PRKDC: variants seen among roughly 807,000 people sequenced by gnomAD.
PRKDC encodes DNA-dependent protein kinase catalytic subunit.
A neutral mutation model predicts 486.9 loss-of-function variants in PRKDC; 82 were observed. That is an observed-to-expected ratio of 0.17 (90% CI 0.14 to 0.20). The LOEUF is 0.20. Among genes scored for constraint, PRKDC ranks in the 10% least tolerant of loss-of-function variants. The probability of loss-of-function intolerance (pLI) is 1.00; values close to 1 mark genes in which losing one functional copy is unlikely to be tolerated. For missense variants in PRKDC, 4,504 were observed against 5,038.2 expected (o/e 0.89, Z 3.21); for synonymous variants, 1,895 against 1,837.0 (o/e 1.03, Z -0.81).
chr8:47,863,288 A>G, intron 42 of PRKDC, 111 bp downstream of exon 42: 2 of 925,752 alleles, frequency 2.2e-6, no homozygotes, highest in Non-Finnish European at 1.5e-6. Context: ...GAAAACTATA[A>G]AAGCTCAGTA....
intron 80 of PRKDC, 120 bp from the exon 81 acceptor site, chr8:47,779,213 C>A: frequency 1.5e-6 from 1 of 687,790 alleles, no homozygotes; most frequent in South Asian, 2.0e-5. Flanking sequence ...AATAATAAGA[C>A]TTTTAACCAT....
chr8:47,927,811 A>G lies in PRKDC; in HGVS notation c.2219T>C (p.Ile740Thr). Reference sequence around the variant, plus strand: ...GTAGGCTCTAACATCGAGTTCAATGATGTTGTGTGGCAAGGACAGAAGAAA... The same window carrying G: ...GTAGGCTCTAACATCGAGTTCAATGGTGTTGTGTGGCAAGGACAGAAGAAA... ...LTFLLSLPHN[I>T]IELDVRAYVP... Residue 740 changes from isoleucine (I) to threonine (T), a missense_variant, in exon 20 of 86, where the codon ATC becomes ACC. Ile to Thr is a moderately conservative substitution (Grantham distance 89). Coordinates refer to ENST00000314191, the MANE Select transcript of PRKDC (RefSeq NM_006904.7). 1 of 1,591,258 alleles carries G rather than the reference A, an allele frequency of 6.3e-7. No homozygotes were observed. The highest frequency in any genetic ancestry group is 8.5e-7 in the Non-Finnish European group (1 of 1,170,612).
Position 47,782,593 on chromosome 8 carries a change from T to C in PRKDC, c.11181A>G (p.Thr3727=). The change falls in exon 79 of 86, where the codon ACA becomes ACG. Residue 3727 remains threonine, a synonymous_variant. Coordinates refer to ENST00000314191, the MANE Select transcript of PRKDC (RefSeq NM_006904.7). The surrounding 1 kb of genome is among the most constrained non-coding windows in gnomAD (Gnocchi z 4.9). The part of the protein sequence containing the change: ...VRIAGFDERV[T]VMASLRRPKR... The stretch of plus-strand genomic sequence containing the variant: ...TGGGCCTTCGCAGAGACGCCATGAC[T>C]GTCACCTTCAAAAATCAGAATGTCA... 1 of 1,556,590 alleles carries C rather than the reference T, an allele frequency of 6.4e-7. No individual in the cohort carries two copies. Among genetic ancestry groups the C allele is most frequent in the Non-Finnish European group, 8.7e-7 (1 of 1,150,108 alleles).
rs762998738 is a variant in PRKDC at position 47,890,269 on chromosome 8, C to T, written c.4059G>A (p.Pro1353=). Residue 1353 remains proline (P), a synonymous_variant, in exon 32 of 86, where the codon CCG becomes CCA. Coordinates refer to ENST00000314191, the MANE Select transcript of PRKDC (RefSeq NM_006904.7). Reference sequence around the variant, plus strand: ...CAGAGCAGCCTACCTTCCATCCTTCCGGGGAGGTGTTTAGCAGAGTCGTGG... The same window carrying T: ...CAGAGCAGCCTACCTTCCATCCTTCTGGGGAGGTGTTTAGCAGAGTCGTGG... ...EFTTTLLNTS[P]EGWKLLKKDL... is the part of the protein sequence containing the mutation. The T allele has an allele frequency of 2.1e-5, 34 of 1,610,166 alleles. 1 individual carries two copies. Among genetic ancestry groups the T allele is most frequent in the South Asian group, 1.9e-4 (17 of 90,540 alleles).
At chr8:47,855,749 C>G (rs1005624616) in intron 49 of PRKDC, among the ~76,000 whole-genome samples, 7 of 152,218 alleles carry the variant, frequency 4.6e-5, no homozygotes, top group Non-Finnish European at 7.3e-5. Flanking sequence ...GTATCCAGTG[C>G]TTTCTGACTC....
intron 18 of PRKDC, 89 bp from the exon 19 acceptor site, chr8:47,929,267 G>A: frequency 3.4e-6 from 3 of 892,116 alleles, no homozygotes; most frequent in Non-Finnish European, 5.3e-6. Context: ...CTTCAGAGGG[G>A]TGAATCCATT....
chr8:47,798,784 T>C (rs1000762619), intron 72 of PRKDC, among the ~76,000 whole-genome samples: 1 of 151,502 alleles, frequency 6.6e-6, no homozygotes, highest in Non-Finnish European at 1.5e-5. Context: ...TAAATGTAGG[T>C]CATGTTGCTT....
intron 65 of PRKDC, 113 bp downstream of exon 65, chr8:47,821,491 T>G: frequency 1.0e-6 from 1 of 994,890 alleles, no homozygotes; most frequent in Admixed American, 2.2e-5. Context: ...GTCATGCAAT[T>G]CCCTAGTGCT....
intron 30 of PRKDC, among the ~76,000 whole-genome samples, chr8:47,894,827 T>C (rs1589772819): frequency 6.6e-6 from 1 of 152,132 alleles, no homozygotes; most frequent in South Asian, 2.1e-4. Flanking sequence ...TCCAGCACTT[T>C]GGGAAGCCAA....
At chr8:47,929,293 C>G in intron 18 of PRKDC, 115 bp from the exon 19 acceptor site, 1 of 722,486 alleles carries the variant, frequency 1.4e-6, no homozygotes, top group South Asian at 1.7e-5. Context: ...TTACCAACAT[C>G]TAATGAAGAC....
intron 40 of PRKDC, among the ~76,000 whole-genome samples, chr8:47,875,261 AT>A (rs2089067334): frequency 6.6e-6 from 1 of 152,194 alleles, no homozygotes; most frequent in Non-Finnish European, 1.5e-5. Flanking sequence ...ATATTCGCTT[AT>A]AATCTTCTTA....
At chr8:47,803,905 C>T (rs2087161104) in intron 69 of PRKDC, among the ~76,000 whole-genome samples, 1 of 148,426 alleles carries the variant, frequency 6.7e-6, no homozygotes, top group Non-Finnish European at 1.5e-5. Context: ...CTGCTGTGTA[C>T]TCCAGCCTGG....
At chr8:47,886,539 G>T (rs950447221) in intron 35 of PRKDC, among the ~76,000 whole-genome samples, 1 of 151,964 alleles carries the variant, frequency 6.6e-6, no homozygotes, top group Non-Finnish European at 1.5e-5. Context: ...TTACAAGTGC[G>T]TTCTACCACA....
At chr8:47,830,765 T>C in intron 60 of PRKDC, 29 bp from the exon 61 acceptor site, 1 of 1,613,620 alleles carries the variant, frequency 6.2e-7, no homozygotes, top group Non-Finnish European at 8.5e-7. Flanking sequence ...AAGAAGAAGA[T>C]GAGCATTCTC....
chr8:47,861,732 T>C (rs1233963493), intron 44 of PRKDC, among the ~76,000 whole-genome samples: 13 of 152,260 alleles, frequency 8.5e-5, no homozygotes, highest in Admixed American at 7.8e-4. Flanking sequence ...TCCTGCCACG[T>C]TGCCCAAGCA....
intron 65 of PRKDC, 87 bp downstream of exon 65, chr8:47,821,517 G>T: frequency 7.4e-7 from 1 of 1,352,248 alleles, no homozygotes; most frequent in Non-Finnish European, 1.0e-6. Flanking sequence ...AGTACTACCT[G>T]TTTTTGAAAT....
At position 47,902,297 on chromosome 8, in the gene PRKDC, T is replaced by G. The variant is rs531940530; in HGVS notation, c.3269+272A>C. Among the ~76,000 whole-genome samples, 21 of 152,320 alleles carry G rather than the reference T, an allele frequency of 1.4e-4. No individual in the cohort carries two copies. In the South Asian group the frequency reaches 4.3e-3, roughly 32 times the overall value. Reference sequence around the variant, plus strand: ...TTGCTCACCCTGGATCAGCTACTCCTCCTCTGTGCACCCAAAGCCCCTGTA... The same window carrying G: ...TTGCTCACCCTGGATCAGCTACTCCGCCTCTGTGCACCCAAAGCCCCTGTA... On this transcript the variant is annotated intron_variant, in intron 27 of 85. Transcript: ENST00000314191.
At chr8:47,958,091 A>C (rs534272602) in intron 1 of PRKDC, among the ~76,000 whole-genome samples, 2 of 152,352 alleles carry the variant, frequency 1.3e-5, no homozygotes, top group South Asian at 4.1e-4. Context: ...CAGAGAGCCC[A>C]ATGTAATCAC....
chr8:47,860,983 A>G lies in PRKDC; in HGVS notation c.5986-12T>C, dbSNP rs1563772232. 1 of 1,535,984 alleles carries G rather than the reference A, an allele frequency of 6.5e-7. No individual in the cohort carries two copies. The highest frequency in any genetic ancestry group is 8.9e-7 in the Non-Finnish European group (1 of 1,126,372). On this transcript the variant is annotated splice_polypyrimidine_tract_variant and intron_variant, in intron 44 of 85. Coordinates refer to ENST00000314191, the MANE Select transcript of PRKDC (RefSeq NM_006904.7). Reference sequence around the variant, plus strand: ...CTTTCCATAGGAACCTATTGGGAAGAACAAATAAACAATGTAAAACATTTT... The same window carrying G: ...CTTTCCATAGGAACCTATTGGGAAGGACAAATAAACAATGTAAAACATTTT...
Sources: gnomAD v4.1 joint callset for allele counts (sites outside exome capture counted in the v4.1 genomes callset) on GRCh38, gnomAD v4.1.1 for gene constraint, Gnocchi (gnomAD v3.1) non-coding constraint, MANE v1.5 for transcripts, NCBI Gene and HGNC (gene_info 2026-07-23, HGNC 2026-07-21) for gene names.